LRRC4C: variants seen among roughly 807,000 people sequenced by gnomAD.
The protein encoded by LRRC4C is leucine-rich repeat-containing protein 4C.
A neutral mutation model predicts 33.6 loss-of-function variants in LRRC4C; 5 were observed. That is an observed-to-expected ratio of 0.15 (90% confidence interval 0.08 to 0.31). The LOEUF is 0.31. Ranked by LOEUF, LRRC4C falls within the 10% of genes least tolerant of loss-of-function variation. The pLI is 1.00. For synonymous variants in LRRC4C, 329 were observed against 302.0 expected, an observed-to-expected ratio of 1.09 and a Z score of -0.93; for missense variants, 560 against 796.7, an observed-to-expected ratio of 0.70 and a Z score of 3.58.
At chr11:40,530,749 T>C (rs77916978) in intron 3 of LRRC4C, among the ~76,000 whole-genome samples, 12,345 of 152,092 alleles carry the variant, frequency 0.081, 1,401 homozygotes, top group African/African-American at 0.25. Context: ...ATTACTATCA[T>C]ACAAAGTAAG....
At chr11:40,661,590 C>G (rs1943438804) in intron 2 of LRRC4C, among the ~76,000 whole-genome samples, 1 of 152,178 alleles carries the variant, frequency 6.6e-6, no homozygotes, top group African/African-American at 2.4e-5. Context: ...AGCTTGTTTT[C>G]TCCTCTTTAG....
intron 1 of LRRC4C, among the ~76,000 whole-genome samples, chr11:41,390,408 G>T (rs1953543913): frequency 6.6e-6 from 1 of 151,732 alleles, no homozygotes; most frequent in Non-Finnish European, 1.5e-5. Context: ...TGTAACCGGC[G>T]ACTACAGAAT....
intron 1 of LRRC4C, among the ~76,000 whole-genome samples, chr11:41,309,978 A>G (rs549827629): frequency 6.6e-6 from 1 of 152,156 alleles, no homozygotes; most frequent in African/African-American, 2.4e-5. Flanking sequence ...TTGATTTCCT[A>G]TCTGCCCTTA....
At chr11:40,315,993 G>A (rs1303550962) in intron 4 of LRRC4C, among the ~76,000 whole-genome samples, 1 of 151,952 alleles carries the variant, frequency 6.6e-6, no homozygotes, top group East Asian at 1.9e-4. Flanking sequence ...ATGGGAATGT[G>A]GGCATGTTTG....
intron 1 of LRRC4C, among the ~76,000 whole-genome samples, chr11:41,320,007 T>C (rs1950910517): frequency 6.6e-6 from 1 of 152,048 alleles, no homozygotes; most frequent in African/African-American, 2.4e-5. Context: ...AAAAAAAGAA[T>C]CAATACAAAT....
chr11:40,242,347 C>T (rs1439437806), intron 4 of LRRC4C, among the ~76,000 whole-genome samples: 2 of 152,128 alleles, frequency 1.3e-5, no homozygotes, highest in Non-Finnish European at 2.9e-5. Context: ...TTGTATGGGA[C>T]AGTATCTTTG....
intron 1 of LRRC4C, among the ~76,000 whole-genome samples, chr11:41,123,423 C>T (rs1438744444): frequency 1.3e-5 from 2 of 150,140 alleles, no homozygotes; most frequent in Non-Finnish European, 3.0e-5. Context: ...CAGGCGCCCG[C>T]CACTACGCCC....
intron 1 of LRRC4C, among the ~76,000 whole-genome samples, chr11:41,314,030 C>T (rs7127629): frequency 0.036 from 5,451 of 152,174 alleles, 364 homozygotes; most frequent in African/African-American, 0.12. Flanking sequence ...CAGTTTCCTT[C>T]TTTGAAGTCC....
At chr11:41,350,540 AAATGTTTTC>A (rs912521052) in intron 1 of LRRC4C, among the ~76,000 whole-genome samples, 1 of 151,202 alleles carries the variant, frequency 6.6e-6, no homozygotes, top group African/African-American at 2.4e-5. Flanking sequence ...AAGAAAGAAA[AAATGTTTTC>A]AATCTGTGCA....
In LRRC4C at chr11:41,318,365, G is replaced by C. The variant is rs771225560; in HGVS notation, c.-496+141066C>G. Among the ~76,000 whole-genome samples, 14 of 152,090 alleles carry C rather than the reference G, an allele frequency of 9.2e-5. 1 individual carries two copies. Among genetic ancestry groups the C allele is most frequent in the Non-Finnish European group, 1.9e-4 (13 of 68,012 alleles). The stretch of plus-strand genomic sequence containing the variant: ...ACTACCTATCTCTTTAACCTTACCT[G>C]GTAGTGCAAGGGATACATACTGACA... On this transcript the variant is annotated intron_variant, in intron 1 of 6. Coordinates refer to ENST00000528697, the MANE Select transcript of LRRC4C (RefSeq NM_001258419.2).
intron 3 of LRRC4C, among the ~76,000 whole-genome samples, chr11:40,527,657 T>C (rs1956107248): frequency 6.6e-6 from 1 of 152,148 alleles, no homozygotes. Context: ...AATTTGTCTT[T>C]GGAAAAGCTA....
chr11:40,862,260 T>A (rs912862042), intron 2 of LRRC4C, among the ~76,000 whole-genome samples: 4 of 152,110 alleles, frequency 2.6e-5, no homozygotes, highest in Admixed American at 6.6e-5. Context: ...TGTTTGAAGT[T>A]TTTTCTTGCT....
intron 1 of LRRC4C, among the ~76,000 whole-genome samples, chr11:41,020,417 G>A (rs1378557378): frequency 6.6e-6 from 1 of 152,130 alleles, no homozygotes. Flanking sequence ...TATGATGAGA[G>A]CATACTGGAA....
At chr11:41,334,732 T>G (rs1440322972) in intron 1 of LRRC4C, among the ~76,000 whole-genome samples, 1 of 152,096 alleles carries the variant, frequency 6.6e-6, no homozygotes, top group Non-Finnish European at 1.5e-5. Context: ...ATTCCTGCAG[T>G]CCCAGGTACT....
chr11:40,220,950 A>T (rs998215519), intron 5 of LRRC4C, among the ~76,000 whole-genome samples: 1 of 151,004 alleles, frequency 6.6e-6, no homozygotes, highest in African/African-American at 2.4e-5. Context: ...ATCTCAGCTC[A>T]CTGCAACCTC....
chr11:40,422,569 C>T (rs931168903), intron 3 of LRRC4C, among the ~76,000 whole-genome samples: 4 of 152,038 alleles, frequency 2.6e-5, no homozygotes, highest in Non-Finnish European at 5.9e-5. Context: ...CTAGTAATTT[C>T]AACTTGGTCT....
rs1239602576 is a variant in LRRC4C, at chr11:40,651,085, TA to T, written c.-406-2808del. Among the ~76,000 whole-genome samples, 3 of 152,334 alleles carry T rather than the reference TA, an allele frequency of 2.0e-5. No homozygotes were observed. In the East Asian group the frequency reaches 5.8e-4, roughly 29 times the overall value. On this transcript the variant is annotated intron_variant, in intron 2 of 6. Transcript: ENST00000528697. Reference sequence around the variant, plus strand: ...CTGACTATTTTTGCATTTTACACCCTAAAATTTACTCCTCTTCCTAACACTT... The same window carrying T: ...CTGACTATTTTTGCATTTTACACCCTAAATTTACTCCTCTTCCTAACACTT...
intron 1 of LRRC4C, among the ~76,000 whole-genome samples, chr11:41,035,522 C>T (rs994829087): frequency 2.6e-4 from 40 of 152,086 alleles, no homozygotes; most frequent in Admixed American, 9.8e-4. Context: ...AAGATAATGG[C>T]TTCCAGCTCC....
intron 3 of LRRC4C, among the ~76,000 whole-genome samples, chr11:40,644,448 T>C (rs1281509136): frequency 1.3e-5 from 2 of 152,200 alleles, no homozygotes; most frequent in Admixed American, 6.5e-5. Context: ...TAAAAACTTA[T>C]ATTTACAAAA....
Sources: allele counts gnomAD v4.1 joint callset (sites outside exome capture counted in the v4.1 genomes callset), GRCh38; gene constraint gnomAD v4.1.1; transcripts MANE v1.5; gene names NCBI Gene and HGNC (gene_info 2026-07-23, HGNC 2026-07-21).